PRELID3A: variants seen among roughly 807,000 people sequenced by gnomAD.
PRELID3A encodes the protein PRELI domain containing 3A, also known as PRELI domain containing protein 3A.
PRELID3A carries 27 observed loss-of-function variants against 23.0 expected under a neutral mutation model. The ratio of observed to expected loss-of-function variants is 1.17; its 90% CI spans 0.87 to 1.62. The LOEUF (loss-of-function observed/expected upper bound fraction) is 1.62. Among genes scored for constraint, PRELID3A ranks in the 40% most tolerant of loss-of-function variants. The pLI is 0.00. For synonymous variants in PRELID3A, 87 were observed against 86.4 expected (o/e 1.01, Z -0.04); for missense variants, 231 against 231.4 (o/e 1.00, Z 0.01).
rs572246735 is a variant in PRELID3A, at chr18:12,419,247, AC to A, written c.33-1075del. Among the ~76,000 whole-genome samples the A allele has an allele frequency of 3.1e-4, 46 of 149,470 alleles. No individual in the cohort carries two copies. The East Asian group carries it at 5.3e-3, about 17-fold the overall frequency. On this transcript the variant is annotated intron_variant, in intron 1 of 6. Coordinates refer to ENST00000440960, the MANE Select transcript of PRELID3A (RefSeq NM_001142405.2). ...AGGCTGAGGCAGGAAAATCGCTTGT[AC>A]CCGGGTGGTGGAGGTTGCAGTGAGC... is the stretch of plus-strand genomic sequence containing the variant.
intron 1 of PRELID3A, among the ~76,000 whole-genome samples, chr18:12,415,796 C>CT (rs1568161166): frequency 6.6e-6 from 1 of 152,170 alleles, no homozygotes; most frequent in African/African-American, 2.4e-5. Context: ...TTAGAGAGTC[C>CT]TTTGTTATTC....
intron 1 of PRELID3A, among the ~76,000 whole-genome samples, chr18:12,413,180 T>C (rs1345682062): frequency 6.6e-6 from 1 of 152,202 alleles, no homozygotes; most frequent in Non-Finnish European, 1.5e-5. Flanking sequence ...GAAACTATAA[T>C]GAATAGAGTA....
chr18:12,426,018 C>T (rs143034866), intron 3 of PRELID3A, among the ~76,000 whole-genome samples: 1,772 of 152,028 alleles, frequency 0.012, 28 homozygotes, highest in African/African-American at 0.04. Context: ...AGACAGATCA[C>T]GAGGTCAGGA....
chr18:12,412,437 C>G (rs1909951107), intron 1 of PRELID3A, among the ~76,000 whole-genome samples: 1 of 152,224 alleles, frequency 6.6e-6, no homozygotes, highest in Admixed American at 6.5e-5. Flanking sequence ...ATCAGCCCAC[C>G]TGGGCCTCCC....
At chr18:12,414,374 C>G (rs1568160590) in intron 1 of PRELID3A, among the ~76,000 whole-genome samples, 1 of 152,260 alleles carries the variant, frequency 6.6e-6, no homozygotes, top group Non-Finnish European at 1.5e-5. Context: ...TGGGAAGATA[C>G]TGGCTCTGTC....
At chr18:12,410,423 C>T (rs563322293) in intron 1 of PRELID3A, among the ~76,000 whole-genome samples, 3 of 152,198 alleles carry the variant, frequency 2.0e-5, no homozygotes, top group Non-Finnish European at 2.9e-5. Context: ...TGTGGCTGGC[C>T]GAGGATGCTG....
intron 1 of PRELID3A, among the ~76,000 whole-genome samples, chr18:12,419,150 C>T (rs777117661): frequency 6.7e-6 from 1 of 150,334 alleles, no homozygotes; most frequent in Non-Finnish European, 1.5e-5. Context: ...GGTGAAATCC[C>T]GTCTCTACTA....
intron 3 of PRELID3A, among the ~76,000 whole-genome samples, chr18:12,421,949 G>A (rs1002145983): frequency 1.3e-5 from 2 of 151,794 alleles, no homozygotes; most frequent in Non-Finnish European, 2.9e-5. Context: ...AGACGTTTTT[G>A]TTTTTTTAAA....
chr18:12,420,632 T>TA (rs2030140801), intron 2 of PRELID3A, 139 bp downstream of exon 2: 1 of 933,590 alleles, frequency 1.1e-6, no homozygotes, highest in Non-Finnish European at 1.5e-6. Context: ...GCGGGGGGCC[T>TA]TTCCTGAGAT....
chr18:12,422,047 C>T (rs1262604573), intron 3 of PRELID3A, among the ~76,000 whole-genome samples: 6 of 151,742 alleles, frequency 4.0e-5, no homozygotes, highest in Admixed American at 1.3e-4. Context: ...TCAAGTGATC[C>T]TCCTGCCTCA....
intron 2 of PRELID3A, 137 bp downstream of exon 2, chr18:12,420,630 C>T (rs2030140694): frequency 2.1e-6 from 2 of 959,358 alleles, no homozygotes; most frequent in Non-Finnish European, 2.9e-6. Flanking sequence ...CGGCGGGGGG[C>T]CTTTCCTGAG....
At chr18:12,417,778 C>T (rs972356873) in intron 1 of PRELID3A, among the ~76,000 whole-genome samples, 4 of 152,148 alleles carry the variant, frequency 2.6e-5, no homozygotes, top group African/African-American at 4.8e-5. Flanking sequence ...CTCAGAGAGA[C>T]GAAAGGGCTC....
chr18:12,425,875 G>A (rs1214501919), intron 3 of PRELID3A, among the ~76,000 whole-genome samples: 2 of 152,020 alleles, frequency 1.3e-5, no homozygotes, highest in Admixed American at 1.3e-4. Flanking sequence ...TGGAAGTTGA[G>A]GATGCAGTGA....
chr18:12,430,400 C>T (rs1038226376), intron 6 of PRELID3A, among the ~76,000 whole-genome samples: 2 of 141,540 alleles, frequency 1.4e-5, no homozygotes, highest in Non-Finnish European at 3.1e-5. Context: ...GTATGGTGTG[C>T]ATGTGCTGTC....
chr18:12,427,056 T>G lies in PRELID3A; in HGVS notation c.307T>G (p.Leu103Val). 6.2e-7 allele frequency: 1 copy of G among 1,612,604 alleles called. No homozygotes were observed. The highest frequency in any genetic ancestry group is 2.2e-5 in the East Asian group (1 of 44,854). The change falls in exon 4 of 7, where the codon TTG becomes GTG. Residue 103 changes from leucine to valine, a missense_variant. Coordinates refer to ENST00000440960, the MANE Select transcript of PRELID3A (RefSeq NM_001142405.2). ...TCTTTTTAAGATCACACTCACAAATTTGGTGTCAGTTAATGAGAGGTTGGT... is the reference window on the plus strand; with the variant it reads ...TCTTTTTAAGATCACACTCACAAATGTGGTGTCAGTTAATGAGAGGTTGGT... ...LCSTNITLTN[L>V]VSVNERLVYT...
At chr18:12,408,141 C>G in intron 1 of PRELID3A, 134 bp downstream of exon 1, 1 of 819,470 alleles carries the variant, frequency 1.2e-6, no homozygotes, top group Non-Finnish European at 1.6e-6. Context: ...GCCGGCCGTT[C>G]CCAGACCGCA....
intron 6 of PRELID3A, 100 bp downstream of exon 6, chr18:12,429,536 T>G: frequency 1.4e-6 from 1 of 702,546 alleles, no homozygotes; most frequent in Non-Finnish European, 2.4e-6. Flanking sequence ...ACGCAGCTGC[T>G]GGTGGCTCTC....
intron 5 of PRELID3A, among the ~76,000 whole-genome samples, chr18:12,427,741 GTGCTGGGGCT>G (rs2030429097): frequency 1.3e-5 from 2 of 151,836 alleles, no homozygotes; most frequent in African/African-American, 4.8e-5. Context: ...AAAATCCTGA[GTGCTGGGGCT>G]CTCCATTTAT....
intron 6 of PRELID3A, among the ~76,000 whole-genome samples, chr18:12,430,731 A>G (rs1288660357): frequency 7.6e-6 from 1 of 130,730 alleles, no homozygotes; most frequent in Non-Finnish European, 1.6e-5. Flanking sequence ...GCTCTGTGTA[A>G]TGTGTATGTG....
Sources: gnomAD v4.1 joint callset for allele counts (sites outside exome capture counted in the v4.1 genomes callset) on GRCh38, gnomAD v4.1.1 for gene constraint, MANE v1.5 for transcripts, NCBI Gene and HGNC (gene_info 2026-07-23, HGNC 2026-07-21) for gene names.